The following GPR39 variants were observed in gnomAD, a reference collection of about 807,000 sequenced individuals.
The protein encoded by GPR39 is G protein-coupled receptor 39, also known as zinc sensing receptor.
In GPR39, 23 loss-of-function variants were observed where a neutral mutation model predicts 18.4. The observed-to-expected ratio is 1.25, with a 90% CI of 0.90 to 1.77. The LOEUF is 1.77. Ranked by LOEUF, GPR39 falls within the 40% of genes most tolerant of loss-of-function variation. The pLI, the probability that GPR39 is intolerant of heterozygous loss-of-function variation, is 0.00. For synonymous variants in GPR39, 280 were observed against 257.9 expected (o/e 1.09, Z -0.82); for missense variants, 647 against 602.4 (o/e 1.07, Z -0.78).
intron 1 of GPR39, among the ~76,000 whole-genome samples, chr2:132,427,071 T>C (rs1404603985): frequency 6.9e-6 from 1 of 145,296 alleles, no homozygotes; most frequent in African/African-American, 2.5e-5. Flanking sequence ...TATATATATG[T>C]ACCTATATAT....
intron 1 of GPR39, among the ~76,000 whole-genome samples, chr2:132,547,228 T>C (rs1039953942): frequency 6.6e-6 from 1 of 152,222 alleles, no homozygotes; most frequent in South Asian, 2.1e-4. Flanking sequence ...TGATAAGTAA[T>C]TGAAATTTGC....
At chr2:132,454,623 A>T (rs1680686674) in intron 1 of GPR39, among the ~76,000 whole-genome samples, 1 of 152,164 alleles carries the variant, frequency 6.6e-6, no homozygotes, top group South Asian at 2.1e-4. Flanking sequence ...TGGGTTTGTC[A>T]TAAATAGCTC....
intron 1 of GPR39, among the ~76,000 whole-genome samples, chr2:132,507,773 G>A (rs1043549309): frequency 4.6e-5 from 7 of 152,182 alleles, no homozygotes; most frequent in Admixed American, 3.9e-4. Flanking sequence ...GAGAACTTAG[G>A]AAAGCACTAT....
intron 1 of GPR39, among the ~76,000 whole-genome samples, chr2:132,468,597 G>A (rs1461116311): frequency 6.6e-6 from 1 of 152,200 alleles, no homozygotes; most frequent in Non-Finnish European, 1.5e-5. Flanking sequence ...AGACTGAGAG[G>A]TTGGGCCCTA....
At chr2:132,621,849 C>A (rs186258635) in intron 1 of GPR39, among the ~76,000 whole-genome samples, 156 of 152,326 alleles carry the variant, frequency 1.0e-3, no homozygotes, top group African/African-American at 3.4e-3. Flanking sequence ...TTGCAGCCTT[C>A]TGGTTCCTTC....
chr2:132,458,286 A>G (rs1014567272), intron 1 of GPR39, among the ~76,000 whole-genome samples: 37 of 152,114 alleles, frequency 2.4e-4, no homozygotes, highest in Admixed American at 1.1e-3. Context: ...GTCTTGTTTT[A>G]CTTGTGTTGC....
chr2:132,541,162 C>T (rs952131486), intron 1 of GPR39, among the ~76,000 whole-genome samples: 8 of 152,200 alleles, frequency 5.3e-5, no homozygotes, highest in African/African-American at 1.7e-4. Context: ...CGGCTCACTG[C>T]AACCTCCGCC....
intron 1 of GPR39, among the ~76,000 whole-genome samples, chr2:132,617,317 T>C (rs1390069405): frequency 6.6e-6 from 1 of 152,066 alleles, no homozygotes. Context: ...TTTTGGAGGA[T>C]ATTACAGAGT....
intron 1 of GPR39, among the ~76,000 whole-genome samples, chr2:132,543,106 G>C (rs1010752043): frequency 6.6e-6 from 1 of 152,172 alleles, no homozygotes; most frequent in African/African-American, 2.4e-5. Context: ...CTCACGACCA[G>C]GAAGAATTAG....
intron 1 of GPR39, among the ~76,000 whole-genome samples, chr2:132,593,616 G>A (rs1400024058): frequency 1.3e-5 from 2 of 152,184 alleles, no homozygotes; most frequent in African/African-American, 2.4e-5. Flanking sequence ...GAAAGATGGG[G>A]TTGTCATGAA....
chr2:132,615,272 A>T (rs1394931518), intron 1 of GPR39, among the ~76,000 whole-genome samples: 1 of 152,174 alleles, frequency 6.6e-6, no homozygotes, highest in Non-Finnish European at 1.5e-5. Flanking sequence ...TTGAAAACAG[A>T]ATGAAGCTCT....
At chr2:132,490,802 A>G (rs1460643179) in intron 1 of GPR39, among the ~76,000 whole-genome samples, 1 of 149,992 alleles carries the variant, frequency 6.7e-6, no homozygotes, top group African/African-American at 2.5e-5. Context: ...GCCTCCAGGG[A>G]CCCCTAATCC....
intron 1 of GPR39, among the ~76,000 whole-genome samples, chr2:132,544,362 T>G (rs1679906422): frequency 6.6e-6 from 1 of 152,186 alleles, no homozygotes; most frequent in Non-Finnish European, 1.5e-5. Context: ...AAACTAGTAC[T>G]TCAAATGTGG....
chr2:132,594,790 A>G (rs909308489), intron 1 of GPR39, among the ~76,000 whole-genome samples: 1 of 151,900 alleles, frequency 6.6e-6, no homozygotes, highest in Admixed American at 6.6e-5. Flanking sequence ...TCCACCATTT[A>G]CTAACTCTCT....
At chr2:132,554,009 T>C (rs539133452) in intron 1 of GPR39, among the ~76,000 whole-genome samples, 10 of 152,306 alleles carry the variant, frequency 6.6e-5, no homozygotes, top group Non-Finnish European at 1.5e-4. Flanking sequence ...ACAGACCCCA[T>C]GGAGATGAGG....
At chr2:132,572,657 T>G (rs986067546) in intron 1 of GPR39, among the ~76,000 whole-genome samples, 19 of 152,040 alleles carry the variant, frequency 1.2e-4, no homozygotes, top group African/African-American at 4.6e-4. Flanking sequence ...ATCCCAGATA[T>G]CCATAGGAGT....
chr2:132,429,654 AG>A (rs1382658132), intron 1 of GPR39, among the ~76,000 whole-genome samples: 1 of 152,262 alleles, frequency 6.6e-6, no homozygotes, highest in Non-Finnish European at 1.5e-5. Context: ...AAGAGTGTAA[AG>A]GAGCCTTTAG....
intron 1 of GPR39, among the ~76,000 whole-genome samples, chr2:132,477,026 C>T (rs1451123043): frequency 6.6e-6 from 1 of 152,188 alleles, no homozygotes; most frequent in Non-Finnish European, 1.5e-5. Flanking sequence ...GCTATGGTCC[C>T]CCTCTGCCTG....
intron 1 of GPR39, among the ~76,000 whole-genome samples, chr2:132,440,918 C>T (rs1317379024): frequency 6.6e-6 from 1 of 152,086 alleles, no homozygotes; most frequent in Non-Finnish European, 1.5e-5. Context: ...GCAGTCCTGC[C>T]CCACATTCCC....
Sources: allele counts gnomAD v4.1 joint callset (sites outside exome capture counted in the v4.1 genomes callset), GRCh38; gene constraint gnomAD v4.1.1; transcripts MANE v1.5; gene names NCBI Gene and HGNC (gene_info 2026-07-23, HGNC 2026-07-21).